MSI2: variants seen among roughly 807,000 people sequenced by gnomAD.
MSI2 encodes musashi RNA binding protein 2.
Under a neutral mutation model 45.6 loss-of-function variants are expected in MSI2, and 17 were observed. The ratio of observed to expected loss-of-function variants is 0.37; its 90% confidence interval spans 0.26 to 0.56. MSI2 has a LOEUF of 0.56. MSI2 is among the 20% of genes least tolerant of loss of function. MSI2 has a pLI of 0.77. For synonymous variants in MSI2, 156 were observed against 158.2 expected (o/e 0.99, Z 0.11); for missense variants, 293 against 444.2 (o/e 0.66, Z 3.06).
chr17:57,609,925 C>T (rs1907062396), intron 8 of MSI2, among the ~76,000 whole-genome samples: 2 of 152,220 alleles, frequency 1.3e-5, no homozygotes, highest in South Asian at 4.1e-4. Context: ...GCCCTGCACA[C>T]AGGTACTGGG....
At chr17:57,503,463 A>G (rs1222841642) in intron 6 of MSI2, among the ~76,000 whole-genome samples, 1 of 152,240 alleles carries the variant, frequency 6.6e-6, no homozygotes, top group South Asian at 2.1e-4. Flanking sequence ...CCATGTATAT[A>G]TGACACATGT....
At chr17:57,655,527 C>T (rs1911532134) in intron 11 of MSI2, among the ~76,000 whole-genome samples, 1 of 147,442 alleles carries the variant, frequency 6.8e-6, no homozygotes, top group Admixed American at 6.8e-5. Flanking sequence ...CCAGCCAGGA[C>T]CCCTTACTGT....
chr17:57,262,319 C>A, intron 5 of MSI2, 127 bp downstream of exon 5: 2 of 1,017,798 alleles, frequency 2.0e-6, no homozygotes, highest in South Asian at 1.5e-5. Flanking sequence ...GGTATCAGGA[C>A]AGGCTGGGCA....
chr17:57,556,222 C>A (rs2087432497), intron 7 of MSI2, among the ~76,000 whole-genome samples: 1 of 152,182 alleles, frequency 6.6e-6, no homozygotes, highest in African/African-American at 2.4e-5. Flanking sequence ...GTGGAGCTTG[C>A]CCTAAAAGGA....
At chr17:57,406,074 G>A (rs905600844) in intron 6 of MSI2, among the ~76,000 whole-genome samples, 1 of 152,126 alleles carries the variant, frequency 6.6e-6, no homozygotes, top group Non-Finnish European at 1.5e-5. Flanking sequence ...AGAAGGAGCA[G>A]GTTTTGTTCA....
At chr17:57,605,955 A>G (rs960562186) in intron 8 of MSI2, among the ~76,000 whole-genome samples, 2 of 152,190 alleles carry the variant, frequency 1.3e-5, no homozygotes, top group Non-Finnish European at 2.9e-5. Context: ...CCACTTTGAA[A>G]TGCCCTTGCA....
chr17:57,640,853 G>T (rs933830744), intron 10 of MSI2, among the ~76,000 whole-genome samples: 1 of 152,218 alleles, frequency 6.6e-6, no homozygotes, highest in Non-Finnish European at 1.5e-5. Flanking sequence ...GATGGTGGCT[G>T]CTGTTGTGTT....
At chr17:57,575,478 A>G (rs961212294) in intron 7 of MSI2, among the ~76,000 whole-genome samples, 1 of 152,166 alleles carries the variant, frequency 6.6e-6, no homozygotes, top group Non-Finnish European at 1.5e-5. Flanking sequence ...ACTTTCACCA[A>G]AGCCTTTGCA....
At chr17:57,377,071 C>A (rs2083511485) in intron 5 of MSI2, among the ~76,000 whole-genome samples, 1 of 152,154 alleles carries the variant, frequency 6.6e-6, no homozygotes, top group African/African-American at 2.4e-5. Context: ...CAGGCGCCCG[C>A]CACCACGCCC....
Position 57,257,697 on chromosome 17 carries a change from C to T in MSI2, c.185+150C>T. ...CGGCGCTCTATACCACCCCCACCGC[C>T]CCCTAGTAACCCCAGAGGTTATTGT... On this transcript the variant is annotated intron_variant, in intron 3 of 13. Transcript: ENST00000284073. 6 of 589,182 alleles carry T rather than the reference C, an allele frequency of 1.0e-5. No individual in the cohort carries two copies. In the South Asian group the frequency reaches 1.3e-4, roughly 13 times the overall value. 36.5% of individuals were successfully genotyped at this position (589,182 alleles called of 1,614,324 possible).
intron 5 of MSI2, among the ~76,000 whole-genome samples, chr17:57,372,840 A>G (rs748715013): frequency 2.6e-5 from 4 of 152,134 alleles, no homozygotes; most frequent in African/African-American, 4.8e-5. Context: ...CGCCACCCCA[A>G]TGAGAATGAG....
At position 57,407,574 on chromosome 17, in the gene MSI2, C is replaced by T. The variant is rs969819491; in HGVS notation, c.405+6103C>T. Among the ~76,000 whole-genome samples the T allele has an allele frequency of 1.3e-5, 2 of 152,286 alleles. No individual in the cohort carries two copies. Among genetic ancestry groups the T allele is most frequent in the African/African-American group, 2.4e-5 (1 of 41,546 alleles). On this transcript the variant is annotated intron_variant, in intron 6 of 13. Coordinates refer to ENST00000284073, the MANE Select transcript of MSI2 (RefSeq NM_138962.4). The surrounding 1 kb of genome is among the most constrained non-coding windows in gnomAD (Gnocchi z 4.1). ...TGTCCTTTGTGGACATCTGAGCTCC[C>T]GTGAGGCTTTGTCCTCTGAAGTGGT... is the stretch of plus-strand genomic sequence containing the variant.
intron 7 of MSI2, among the ~76,000 whole-genome samples, chr17:57,591,452 G>C (rs1287511746): frequency 6.6e-6 from 1 of 152,212 alleles, no homozygotes; most frequent in African/African-American, 2.4e-5. Flanking sequence ...AGCCGGTGTG[G>C]TGGCTCATGC....
At chr17:57,554,944 G>T (rs1224800776) in intron 7 of MSI2, among the ~76,000 whole-genome samples, 1 of 152,246 alleles carries the variant, frequency 6.6e-6, no homozygotes, top group Non-Finnish European at 1.5e-5. Flanking sequence ...GCTCAAACCT[G>T]CTGAGACTTC....
the MSI2 span, among the ~76,000 whole-genome samples, chr17:57,690,702 G>A: frequency 2.6e-5 from 4 of 151,170 alleles, no homozygotes; most frequent in Non-Finnish European, 1.5e-5. Flanking sequence ...TATCAAATAC[G>A]TGCTTGCAAA....
intron 6 of MSI2, chr17:57,406,801 C>G (rs2084090266): frequency 6.6e-6 from 1 of 152,254 alleles, no homozygotes; most frequent in Non-Finnish European, 1.5e-5. Flanking sequence ...TTTCATTAGG[C>G]CTACAAGTCA....
chr17:57,414,622 C>T (rs982779068), intron 6 of MSI2, among the ~76,000 whole-genome samples: 1 of 152,088 alleles, frequency 6.6e-6, no homozygotes, highest in African/African-American at 2.4e-5. Context: ...AACTCCTGGC[C>T]TTAAAAGGAG....
chr17:57,453,961 T>C (rs943976842), intron 6 of MSI2, among the ~76,000 whole-genome samples: 6 of 152,288 alleles, frequency 3.9e-5, no homozygotes, highest in African/African-American at 1.4e-4. Flanking sequence ...AAACCACTGG[T>C]TGGATGAGTA....
chr17:57,594,385 T>A (rs1905096984), intron 7 of MSI2, among the ~76,000 whole-genome samples: 1 of 152,196 alleles, frequency 6.6e-6, no homozygotes, highest in Admixed American at 6.5e-5. Context: ...GGTCCTTGAC[T>A]GGGTGGGAGT....
Sources: allele counts gnomAD v4.1 joint callset (sites outside exome capture counted in the v4.1 genomes callset), GRCh38; gene constraint gnomAD v4.1.1; non-coding constraint Gnocchi (gnomAD v3.1); transcripts MANE v1.5; gene names NCBI Gene and HGNC (gene_info 2026-07-23, HGNC 2026-07-21).